The following EBF2 variants were observed in gnomAD, a reference collection of about 807,000 sequenced individuals.
EBF2 encodes transcription factor COE2.
In EBF2, 21 loss-of-function variants were observed where a neutral mutation model predicts 72.8. That is an observed-to-expected ratio of 0.29 (90% CI 0.20 to 0.42). The LOEUF (loss-of-function observed/expected upper bound fraction) is 0.42, where lower values mean the gene tolerates loss of function less well. Among genes scored for constraint, EBF2 ranks in the 10% least tolerant of loss-of-function variants. EBF2 has a pLI of 1.00. For synonymous variants in EBF2, 299 were observed against 274.2 expected, an observed-to-expected ratio of 1.09 and a Z score of -0.89; for missense variants, 637 against 731.2, an observed-to-expected ratio of 0.87 and a Z score of 1.49.
At chr8:25,884,321 G>A (rs1802653665) in intron 10 of EBF2, among the ~76,000 whole-genome samples, 1 of 152,096 alleles carries the variant, frequency 6.6e-6, no homozygotes, top group African/African-American at 2.4e-5. Flanking sequence ...GAACCAAACA[G>A]AAAACCCAGC....
chr8:25,854,818 T>C (rs1017575614), intron 14 of EBF2, among the ~76,000 whole-genome samples: 2 of 152,212 alleles, frequency 1.3e-5, no homozygotes, highest in Non-Finnish European at 2.9e-5. Flanking sequence ...TTAGTATTTA[T>C]TTTTGAAACT....
At chr8:26,003,896 C>T (rs1461015536) in intron 6 of EBF2, among the ~76,000 whole-genome samples, 3 of 152,102 alleles carry the variant, frequency 2.0e-5, no homozygotes, top group Admixed American at 6.5e-5. Context: ...CCAAAGTGCT[C>T]GCTCCTGCCA....
chr8:25,917,100 G>C (rs933449112), intron 6 of EBF2, among the ~76,000 whole-genome samples: 4 of 152,116 alleles, frequency 2.6e-5, no homozygotes, highest in African/African-American at 7.2e-5. Flanking sequence ...GCAAAAACAA[G>C]GGGCCAATTT....
At chr8:25,904,437 G>A (rs1803004280) in intron 7 of EBF2, among the ~76,000 whole-genome samples, 2 of 151,560 alleles carry the variant, frequency 1.3e-5, no homozygotes, top group Admixed American at 6.6e-5. Flanking sequence ...AGTGTTTGGG[G>A]GTAAGGGAAG....
intron 6 of EBF2, among the ~76,000 whole-genome samples, chr8:25,979,173 C>T (rs192221303): frequency 7.9e-5 from 12 of 152,220 alleles, no homozygotes; most frequent in Admixed American, 3.9e-4. Flanking sequence ...CTGTGTGTCC[C>T]GCAGATGCAA....
intron 6 of EBF2, among the ~76,000 whole-genome samples, chr8:26,001,009 A>C (rs1345063388): frequency 6.6e-6 from 1 of 152,242 alleles, no homozygotes; most frequent in Non-Finnish European, 1.5e-5. Context: ...ATGTTAACAT[A>C]AGCTTGAGAT....
At chr8:25,956,580 TC>T (rs1202619491) in intron 6 of EBF2, among the ~76,000 whole-genome samples, 1 of 152,138 alleles carries the variant, frequency 6.6e-6, no homozygotes, top group Non-Finnish European at 1.5e-5. Context: ...CCTCGCCCTC[TC>T]CCACCCTCCC....
chr8:25,981,588 G>A (rs932202684), intron 6 of EBF2, among the ~76,000 whole-genome samples: 5 of 152,080 alleles, frequency 3.3e-5, no homozygotes, highest in Non-Finnish European at 7.4e-5. Context: ...CTGAGGTCAG[G>A]AGTTTGAGAC....
chr8:25,928,111 AAAAGGAAT>A (rs1803415307), intron 6 of EBF2, among the ~76,000 whole-genome samples: 1 of 152,178 alleles, frequency 6.6e-6, no homozygotes, highest in Non-Finnish European at 1.5e-5. Flanking sequence ...ATTAAAAGGG[AAAAGGAAT>A]AAATTAGAAT....
intron 6 of EBF2, 68 bp from the exon 7 acceptor site, chr8:25,908,623 C>T (rs1803078028): frequency 6.7e-6 from 7 of 1,047,048 alleles, no homozygotes; most frequent in Non-Finnish European, 8.7e-6. Context: ...TAGCTGCATT[C>T]CATTAGATTT....
rs140003844 is a variant in EBF2, at chr8:25,889,421, T to G, written c.751+331A>C. Reference sequence around the variant, plus strand: ...TCTGTTTAAGGGCACATGTGACACTTATTCATACATGTCTGGCACTGCAAT... The same window carrying G: ...TCTGTTTAAGGGCACATGTGACACTGATTCATACATGTCTGGCACTGCAAT... On this transcript the variant is annotated intron_variant, in intron 8 of 15. Transcript: ENST00000520164. Among the ~76,000 whole-genome samples, 388 of 152,298 alleles carry G rather than the reference T, an allele frequency of 2.5e-3. 2 individuals carry two copies. Among genetic ancestry groups the G allele is most frequent in the African/African-American group, 9.0e-3 (374 of 41,576 alleles).
At chr8:25,971,383 G>GC (rs1353749597) in intron 6 of EBF2, among the ~76,000 whole-genome samples, 1 of 152,118 alleles carries the variant, frequency 6.6e-6, no homozygotes, top group East Asian at 1.9e-4. Flanking sequence ...TCTCTTTAAT[G>GC]CCCCGTATGA....
chr8:25,944,750 T>A (rs1803737563), intron 6 of EBF2, among the ~76,000 whole-genome samples: 1 of 148,182 alleles, frequency 6.7e-6, no homozygotes, highest in Non-Finnish European at 1.5e-5. Flanking sequence ...ACAATTATAT[T>A]GTATATATAA....
intron 6 of EBF2, among the ~76,000 whole-genome samples, chr8:25,985,012 G>A (rs890198316): frequency 1.3e-5 from 2 of 152,124 alleles, no homozygotes; most frequent in African/African-American, 4.8e-5. Flanking sequence ...GAAGATCTTA[G>A]GGACCGTAAA....
In EBF2 at chr8:25,991,594, T is replaced by C. The variant is rs188316203; in HGVS notation, c.551+41491A>G. 1.2e-3 allele frequency among the ~76,000 whole-genome samples: 185 copies of C among 152,172 alleles called. 1 individual carries two copies. The highest frequency in any genetic ancestry group is 4.3e-3 in the African/African-American group (178 of 41,518). ...GGTGCAGTGGCTCATGCCTGTAACC[T>C]CAGCACTTTGGGAGGTCGAGGCGGG... On this transcript the variant is annotated intron_variant, in intron 6 of 15. Coordinates refer to ENST00000520164, the MANE Select transcript of EBF2 (RefSeq NM_022659.4).
At chr8:25,978,907 C>CG (rs1035681074) in intron 6 of EBF2, among the ~76,000 whole-genome samples, 2 of 152,064 alleles carry the variant, frequency 1.3e-5, no homozygotes, top group African/African-American at 2.4e-5. Context: ...TGACGCTGGG[C>CG]GGGGGGCGGA....
intron 6 of EBF2, among the ~76,000 whole-genome samples, chr8:25,980,131 C>G (rs1804336254): frequency 6.6e-6 from 1 of 152,184 alleles, no homozygotes. Context: ...GGTGCTACCC[C>G]CTCAGACCAC....
At chr8:26,034,546 AC>A (rs1805465298) in intron 5 of EBF2, among the ~76,000 whole-genome samples, 1 of 152,220 alleles carries the variant, frequency 6.6e-6, no homozygotes, top group African/African-American at 2.4e-5. Context: ...AAATACCTAG[AC>A]AAATGTGAGA....
intron 9 of EBF2, among the ~76,000 whole-genome samples, chr8:25,887,241 G>A: frequency 6.6e-6 from 1 of 151,590 alleles, no homozygotes; most frequent in Non-Finnish European, 1.5e-5. Flanking sequence ...CCCACCTCCT[G>A]CTGCCAACCC....
Sources: gnomAD v4.1 joint callset for allele counts (sites outside exome capture counted in the v4.1 genomes callset) on GRCh38, gnomAD v4.1.1 for gene constraint, MANE v1.5 for transcripts, NCBI Gene and HGNC (gene_info 2026-07-23, HGNC 2026-07-21) for gene names.